The following NOX5 variants were observed in gnomAD, a reference collection of about 807,000 sequenced individuals.
NOX5 encodes NADPH oxidase 5, also known as NADPH oxidase, EF-hand calcium binding domain 5.
NOX5 carries 76 observed loss-of-function variants against 85.7 expected under a neutral mutation model. The observed-to-expected ratio is 0.89, with a 90% CI of 0.74 to 1.07. The LOEUF (loss-of-function observed/expected upper bound fraction) is 1.07, where lower values mean the gene tolerates loss of function less well. Ranked by LOEUF, NOX5 falls within the 50% of genes least tolerant of loss-of-function variation. NOX5 has a pLI of 0.00. For synonymous variants in NOX5, 405 were observed against 401.4 expected, an observed-to-expected ratio of 1.01 and a Z score of -0.11; for missense variants, 973 against 999.5, an observed-to-expected ratio of 0.97 and a Z score of 0.36.
intron 1 of NOX5, among the ~76,000 whole-genome samples, chr15:69,020,637 T>G (rs938140120): frequency 2.2e-4 from 33 of 151,624 alleles, no homozygotes; most frequent in African/African-American, 6.7e-4. Flanking sequence ...AATATATATA[T>G]ATAGATATCA....
chr15:69,036,338 T>C (rs1050515028), intron 7 of NOX5, among the ~76,000 whole-genome samples: 2 of 152,166 alleles, frequency 1.3e-5, no homozygotes, highest in Non-Finnish European at 2.9e-5. Context: ...TTTTAGGAAT[T>C]ATAGGCGATA....
chr15:69,032,194 G>A (rs887393804), intron 4 of NOX5, among the ~76,000 whole-genome samples: 4 of 152,206 alleles, frequency 2.6e-5, no homozygotes, highest in African/African-American at 9.6e-5. Context: ...AGCAGGCACT[G>A]TTCTGATTAA....
intron 14 of NOX5, among the ~76,000 whole-genome samples, chr15:69,050,001 T>C (rs985656227): frequency 2.1e-4 from 32 of 152,242 alleles, no homozygotes; most frequent in African/African-American, 7.7e-4. Flanking sequence ...CCCTGACTTG[T>C]AACCCCTGGC....
rs2050362142 is a variant in NOX5, at chr15:69,026,656, G to T, written c.174+5G>T. 6.2e-7 allele frequency: 1 copy of T among 1,613,958 alleles called. No homozygotes were observed. On this transcript the variant is annotated splice_donor_5th_base_variant and intron_variant, in intron 2 of 15. Coordinates refer to ENST00000388866, the MANE Select transcript of NOX5 (RefSeq NM_024505.4). ...GCAGCTCTGCATGTGAAAGAGGCAA[G>T]TGTTGGGCCAAGGTGGAAGCCCTGC...
intron 10 of NOX5, chr15:69,046,014 A>G (rs756862914): frequency 3.9e-5 from 6 of 152,322 alleles, no homozygotes; most frequent in Non-Finnish European, 8.8e-5. Context: ...CGTCCTTCCC[A>G]TGCTTTCAGC....
intron 11 of NOX5, 176 bp from the exon 12 acceptor site, chr15:69,047,237 G>A (rs1195499340): frequency 4.0e-6 from 3 of 758,498 alleles, no homozygotes; most frequent in Admixed American, 3.3e-5. Context: ...GACTGGTGCT[G>A]AGAGCACAGG....
chr15:69,033,206 G>C lies in NOX5; in HGVS notation c.784G>C (p.Asp262His), dbSNP rs2050464062. Residue 262 changes from aspartate (D) to histidine (H), a missense_variant, in exon 5 of 16, where the codon GAC (aspartate) becomes CAC (histidine). Asp to His is a moderately conservative substitution (Grantham distance 81). Coordinates refer to ENST00000388866, the MANE Select transcript of NOX5 (RefSeq NM_024505.4). ...LFGLAASAHRDLGASVMVAKG... is the reference protein window; with the variant it reads ...LFGLAASAHRHLGASVMVAKG... ...CGGGCTGGCGGCCAGCGCGCACCGG[G>C]ACCTCGGCGCCAGCGTCATGGTGGC... is the stretch of plus-strand genomic sequence containing the variant. 1 of 1,597,046 alleles carries C rather than the reference G, an allele frequency of 6.3e-7. No homozygotes were observed.
At position 69,060,838 on chromosome 15, in the gene NOX5, T is replaced by C. The variant is rs1469700513; in HGVS notation, c.*4142T>C. On this transcript the variant is annotated 3_prime_UTR_variant, in exon 16 of 16. Coordinates refer to ENST00000388866, the MANE Select transcript of NOX5 (RefSeq NM_024505.4). ...GTTAGAAGCCAGCCTTAATCTGTCT[T>C]GGGCCCAGACAGCCCTTATCTGTTG... is the stretch of plus-strand genomic sequence containing the variant. The C allele has an allele frequency of 6.6e-6, 1 of 152,246 alleles. No individual in the cohort carries two copies. Among genetic ancestry groups the C allele is most frequent in the Non-Finnish European group, 1.5e-5 (1 of 68,042 alleles). 9.4% of individuals were successfully genotyped at this position (152,246 alleles called of 1,614,324 possible).
At chr15:69,053,425 C>T (rs1431854076) in intron 14 of NOX5, among the ~76,000 whole-genome samples, 1 of 152,082 alleles carries the variant, frequency 6.6e-6, no homozygotes, top group Non-Finnish European at 1.5e-5. Flanking sequence ...CTGCTTAATA[C>T]ATTTATTTGT....
chr15:69,043,510 C>G (rs927838502), intron 10 of NOX5: 3 of 152,290 alleles, frequency 2.0e-5, no homozygotes, highest in African/African-American at 4.8e-5. Context: ...CTGGCCCAAC[C>G]CTACCTTGCC....
intron 10 of NOX5, among the ~76,000 whole-genome samples, chr15:69,043,881 T>C (rs771472965): frequency 1.3e-5 from 2 of 152,162 alleles, no homozygotes; most frequent in Non-Finnish European, 2.9e-5. Flanking sequence ...ATTTTAGAGA[T>C]GTATTCTTAA....
intron 10 of NOX5, among the ~76,000 whole-genome samples, chr15:69,045,572 C>CTTTCTTTCTTTCTTTCTTT (rs748316277): frequency 4.8e-4 from 5 of 10,452 alleles, no homozygotes; most frequent in Admixed American, 3.0e-3. Flanking sequence ...TTCTTTCTTC[C>CTTTCTTTCTTTCTTTCTTT]CTTTCTTTCT....
At chr15:69,030,865 AC>A (rs2050419799) in intron 3 of NOX5, 1 of 152,248 alleles carries the variant, frequency 6.6e-6, no homozygotes, top group Non-Finnish European at 1.5e-5. Context: ...AGTGAGGTCC[AC>A]TACCCCAGAG....
intron 10 of NOX5, among the ~76,000 whole-genome samples, chr15:69,043,145 T>C (rs769487794): frequency 1.3e-5 from 2 of 152,342 alleles, no homozygotes; most frequent in Middle Eastern, 3.4e-3. Context: ...ATCTATAAAA[T>C]AGAAGTCGTT....
At chr15:69,055,776 C>T (rs1374520492) in intron 15 of NOX5, among the ~76,000 whole-genome samples, 2 of 152,210 alleles carry the variant, frequency 1.3e-5, no homozygotes, top group African/African-American at 4.8e-5. Flanking sequence ...CCCTATGGAC[C>T]AGTGTCAAAA....
At chr15:69,035,714 G>A in intron 6 of NOX5, 44 bp from the exon 7 acceptor site, 9 of 1,598,620 alleles carry the variant, frequency 5.6e-6, no homozygotes, top group Non-Finnish European at 7.7e-6. Context: ...GGAGTGGGAA[G>A]AGCTGGTCTT....
intron 12 of NOX5, 105 bp from the exon 13 acceptor site, chr15:69,047,725 T>C: frequency 7.4e-7 from 1 of 1,345,324 alleles, no homozygotes; most frequent in East Asian, 2.4e-5. Context: ...CCTCATAGAG[T>C]GGGCTCTGCC....
intron 1 of NOX5, among the ~76,000 whole-genome samples, chr15:69,021,067 T>A (rs1474880848): frequency 2.0e-5 from 3 of 152,218 alleles, no homozygotes; most frequent in Non-Finnish European, 2.9e-5. Flanking sequence ...GGGTTTGTTT[T>A]TTTTTTAAAG....
At chr15:69,027,641 C>G (rs2050375314) in intron 2 of NOX5, among the ~76,000 whole-genome samples, 1 of 152,180 alleles carries the variant, frequency 6.6e-6, no homozygotes, top group African/African-American at 2.4e-5. Context: ...AACACCAGGC[C>G]TGGCAGGCAG....
Sources: allele counts gnomAD v4.1 joint callset (sites outside exome capture counted in the v4.1 genomes callset), GRCh38; gene constraint gnomAD v4.1.1; transcripts MANE v1.5; gene names NCBI Gene and HGNC (gene_info 2026-07-23, HGNC 2026-07-21).